Variants in ZFHX4 observed in about 807,000 individuals in gnomAD.
The protein encoded by ZFHX4 is zinc finger homeobox 4.
In ZFHX4, 56 loss-of-function variants were observed where a neutral mutation model predicts 267.6. The observed-to-expected ratio is 0.21, with a 90% confidence interval of 0.17 to 0.26. The LOEUF (loss-of-function observed/expected upper bound fraction) is 0.26. Ranked by LOEUF, ZFHX4 falls within the 10% of genes least tolerant of loss-of-function variation. The pLI is 1.00. For missense variants in ZFHX4, 4,332 were observed against 4,420.0 expected, an observed-to-expected ratio of 0.98 and a Z score of 0.56; for synonymous variants, 1,778 against 1,665.6, an observed-to-expected ratio of 1.07 and a Z score of -1.64.
In ZFHX4 at chr8:76,855,447, A is replaced by T; in HGVS notation, c.8526A>T (p.Pro2842=). 1 of 1,613,458 alleles carries T rather than the reference A, an allele frequency of 6.2e-7. No individual in the cohort carries two copies. Residue 2842 remains proline, a synonymous_variant, in exon 10 of 11, where the codon CCA becomes CCT. Coordinates refer to ENST00000651372, the MANE Select transcript of ZFHX4 (RefSeq NM_024721.5). ...DVKPALSPKE[P]KTLDTLPKPA... is the part of the protein sequence containing the mutation. ...AACCGGCTTTGTCTCCCAAAGAGCCAAAAACTCTGGATACTCTGCCAAAAC... is the reference window on the plus strand; with the variant it reads ...AACCGGCTTTGTCTCCCAAAGAGCCTAAAACTCTGGATACTCTGCCAAAAC...
chr8:76,803,551 T>C (rs149811447), intron 4 of ZFHX4, among the ~76,000 whole-genome samples: 1 of 152,112 alleles, frequency 6.6e-6, no homozygotes. Flanking sequence ...TGGAGGACAG[T>C]GTAGTCAATG....
In ZFHX4 at chr8:76,864,205, T is replaced by G. The variant is rs1291282631; in HGVS notation, c.10491T>G (p.Pro3497=). ...VRLLPHSVCS[P]NPNTTSTSQS... ...TATTACCTCACTCAGTCTGCTCCCCTAATCCTAACACCACATCTACCTCGC... is the reference window on the plus strand; with the variant it reads ...TATTACCTCACTCAGTCTGCTCCCCGAATCCTAACACCACATCTACCTCGC... The change falls in exon 11 of 11, where the codon CCT becomes CCG. Residue 3497 remains proline, a synonymous_variant. Coordinates refer to ENST00000651372, the MANE Select transcript of ZFHX4 (RefSeq NM_024721.5). 2 of 1,613,830 alleles carry G rather than the reference T, an allele frequency of 1.2e-6. No homozygotes were observed. Among genetic ancestry groups the G allele is most frequent in the Admixed American group, 3.3e-5 (2 of 59,980 alleles).
chr8:76,731,305 T>C lies in ZFHX4; in HGVS notation c.3093+23257T>C, dbSNP rs1809003850. 2.6e-5 allele frequency among the ~76,000 whole-genome samples: 4 copies of C among 152,088 alleles called. No homozygotes were observed. The South Asian group carries it at 8.3e-4, about 32-fold the overall frequency. ...AAGCCCTTTTACAACTAAAAGAGAG[T>C]ACAGTTAGTAGGGCAAAACAGGAAG... On this transcript the variant is annotated intron_variant, in intron 3 of 10. Coordinates refer to ENST00000651372, the MANE Select transcript of ZFHX4 (RefSeq NM_024721.5).
At chr8:76,689,900 T>C (rs1807783563) in intron 1 of ZFHX4, among the ~76,000 whole-genome samples, 2 of 152,124 alleles carry the variant, frequency 1.3e-5, no homozygotes, top group Admixed American at 1.3e-4. Flanking sequence ...TTTAACATTC[T>C]AGAGACTGGA....
chr8:76,854,298 C>T lies in ZFHX4; in HGVS notation c.7377C>T (p.Ile2459=), dbSNP rs1479517631. The T allele has an allele frequency of 2.5e-6, 4 of 1,608,152 alleles. No homozygotes were observed. Among genetic ancestry groups the T allele is most frequent in the East Asian group, 2.2e-5 (1 of 44,630 alleles). Residue 2459 remains isoleucine, a synonymous_variant, in exon 10 of 11, where the codon ATC becomes ATT. Transcript: ENST00000651372. ...QPQPPKQPQL[I]GRPPSASQTP... ...AGCCACCAAAACAACCCCAACTTAT[C>T]GGAAGACCTCCCTCGGCCTCTCAAA... is the stretch of plus-strand genomic sequence containing the variant.
intron 3 of ZFHX4, among the ~76,000 whole-genome samples, chr8:76,711,429 A>G (rs924309642): frequency 5.9e-5 from 9 of 152,196 alleles, no homozygotes; most frequent in Non-Finnish European, 1.0e-4. Context: ...GAGATTAATA[A>G]ATACAAAATA....
At chr8:76,698,987 A>G (rs1808030952) in intron 1 of ZFHX4, among the ~76,000 whole-genome samples, 1 of 152,160 alleles carries the variant, frequency 6.6e-6, no homozygotes, top group South Asian at 2.1e-4. Flanking sequence ...AAACATCAGC[A>G]GGAAGCTCTA....
chr8:76,765,298 A>G (rs934224204), intron 3 of ZFHX4, among the ~76,000 whole-genome samples: 2 of 152,158 alleles, frequency 1.3e-5, no homozygotes, highest in Non-Finnish European at 2.9e-5. Flanking sequence ...GATTTTAAAA[A>G]ATCATCGTAA....
At chr8:76,815,734 C>G (rs576310175) in intron 4 of ZFHX4, among the ~76,000 whole-genome samples, 1 of 152,186 alleles carries the variant, frequency 6.6e-6, no homozygotes, top group East Asian at 1.9e-4. Flanking sequence ...CTACTGGGCT[C>G]CAGAAATTCT....
chr8:76,705,414 G>A lies in ZFHX4; in HGVS notation c.1326G>A (p.Glu442=). 6.2e-7 allele frequency: 1 copy of A among 1,613,816 alleles called. No individual in the cohort carries two copies. Among genetic ancestry groups the A allele is most frequent in the East Asian group, 2.2e-5 (1 of 44,862 alleles). The change falls in exon 2 of 11, where the codon GAG becomes GAA. Residue 442 remains glutamate (E), a synonymous_variant. Transcript: ENST00000651372. ...SSKMSESKDQ[E]NNCERPKESN... ...AGATGTCAGAGAGCAAAGACCAAGA[G>A]AACAACTGTGAAAGGCCAAAAGAAA... is the stretch of plus-strand genomic sequence containing the variant.
chr8:76,742,613 CTT>C (rs1235342928), intron 3 of ZFHX4, among the ~76,000 whole-genome samples: 1 of 152,166 alleles, frequency 6.6e-6, no homozygotes, highest in Admixed American at 6.5e-5. Flanking sequence ...TAATTTTAGA[CTT>C]TGTTTCACTG....
intron 3 of ZFHX4, among the ~76,000 whole-genome samples, chr8:76,727,081 A>G (rs1269212326): frequency 6.6e-6 from 1 of 152,150 alleles, no homozygotes; most frequent in Non-Finnish European, 1.5e-5. Context: ...CAGTATTAAT[A>G]ACCATATTTG....
chr8:76,781,368 G>A (rs2131779981), intron 4 of ZFHX4, among the ~76,000 whole-genome samples: 1 of 152,144 alleles, frequency 6.6e-6, no homozygotes, highest in Admixed American at 6.5e-5. Context: ...AGAATAGAAA[G>A]TTCCCTTCCA....
At chr8:76,684,859 G>GA (rs1807651948) in intron 1 of ZFHX4, among the ~76,000 whole-genome samples, 1 of 152,210 alleles carries the variant, frequency 6.6e-6, no homozygotes, top group African/African-American at 2.4e-5. Flanking sequence ...AGGAGGCTGA[G>GA]AAAATCACTG....
chr8:76,805,984 C>T (rs1414428880), intron 4 of ZFHX4, among the ~76,000 whole-genome samples: 1 of 151,982 alleles, frequency 6.6e-6, no homozygotes, highest in Non-Finnish European at 1.5e-5. Context: ...GTAAAAAATA[C>T]AATAATGATC....
intron 3 of ZFHX4, among the ~76,000 whole-genome samples, chr8:76,748,262 A>T (rs985540115): frequency 1.3e-5 from 2 of 152,098 alleles, no homozygotes; most frequent in Non-Finnish European, 2.9e-5. Context: ...TAGCTTCTTC[A>T]TGGATCATCC....
chr8:76,691,690 A>G (rs1807828303), intron 1 of ZFHX4, among the ~76,000 whole-genome samples: 1 of 152,128 alleles, frequency 6.6e-6, no homozygotes, highest in African/African-American at 2.4e-5. Context: ...GCCCTTGTCC[A>G]AGTTACTTAA....
chr8:76,865,985 A>G lies in ZFHX4; in HGVS notation c.*1420A>G, dbSNP rs1041890652. On this transcript the variant is annotated 3_prime_UTR_variant, in exon 11 of 11. Transcript: ENST00000651372. ...CCATGAATTTCAACTTCCACCACCC[A>G]GTGAATTGATTTATAAATTGCTATG... 1 of 152,590 alleles carries G rather than the reference A, an allele frequency of 6.6e-6. No individual in the cohort carries two copies. The highest frequency in any genetic ancestry group is 1.5e-5 in the Non-Finnish European group (1 of 68,028). 9.5% of individuals were successfully genotyped at this position (152,590 alleles called of 1,614,324 possible).
intron 10 of ZFHX4, among the ~76,000 whole-genome samples, chr8:76,858,314 G>A (rs553465722): frequency 2.6e-5 from 4 of 152,230 alleles, no homozygotes; most frequent in Admixed American, 6.5e-5. Flanking sequence ...ATTTGTAATA[G>A]CATTAGTGAG....
Sources: gnomAD v4.1 joint callset for allele counts (sites outside exome capture counted in the v4.1 genomes callset) on GRCh38, gnomAD v4.1.1 for gene constraint, MANE v1.5 for transcripts, NCBI Gene and HGNC (gene_info 2026-07-23, HGNC 2026-07-21) for gene names.